DMD: variants seen among roughly 807,000 people sequenced by gnomAD.
The protein encoded by DMD is mutant dystrophin.
DMD carries 63 observed loss-of-function variants against 330.1 expected under a neutral mutation model. That is an observed-to-expected ratio of 0.19 (90% CI 0.16 to 0.24). The LOEUF (loss-of-function observed/expected upper bound fraction) is 0.24, where lower values mean the gene tolerates loss of function less well. DMD is among the 10% of genes least tolerant of loss of function. The pLI is 1.00. For synonymous variants in DMD, 1,223 were observed against 959.8 expected, an observed-to-expected ratio of 1.27 and a Z score of -5.07; for missense variants, 3,344 against 2,684.1, an observed-to-expected ratio of 1.25 and a Z score of -5.43.
intron 26 of DMD, among the ~76,000 whole-genome samples, chrX:32,452,347 GA>G (rs758013069): frequency 1.1e-4 from 1 of 9,083 alleles, no homozygotes; most frequent in African/African-American, 3.2e-4. Flanking sequence ...AAGGGAAAGG[GA>G]AAGGGAAAGG....
At chrX:31,398,287 A>T (rs1304915701) in intron 60 of DMD, among the ~76,000 whole-genome samples, 1 of 112,213 alleles carries the variant, frequency 8.9e-6, no homozygotes, top group African/African-American at 3.2e-5. Flanking sequence ...GGACTGGCTC[A>T]GAGTTGAATA....
At chrX:32,806,837 A>G (rs2076979228) in intron 7 of DMD, among the ~76,000 whole-genome samples, 1 of 110,957 alleles carries the variant, frequency 9.0e-6, no homozygotes. Context: ...CTGCTTCTGA[A>G]TAACTACTGG....
At chrX:32,819,848 T>TTAA (rs1557055242) in intron 5 of DMD, among the ~76,000 whole-genome samples, 4 of 81,017 alleles carry the variant, frequency 4.9e-5, no homozygotes, top group Admixed American at 1.4e-4. Context: ...AATGTTGGTG[T>TTAA]AAAAAAAAAA....
chrX:32,805,357 G>T (rs929422272), intron 7 of DMD, among the ~76,000 whole-genome samples: 5 of 111,607 alleles, frequency 4.5e-5, no homozygotes, highest in Non-Finnish European at 7.5e-5. Flanking sequence ...CAGAAGAAAA[G>T]ATATCAGAGA....
At chrX:31,169,345 G>C in intron 74 of DMD, 98 bp downstream of exon 74, 1 of 602,006 alleles carries the variant, frequency 1.7e-6, no homozygotes, top group Admixed American at 2.8e-5. Context: ...AAAACAATTA[G>C]ACATAAAATG....
chrX:32,557,823 G>A (rs2050481265), intron 16 of DMD, among the ~76,000 whole-genome samples: 1 of 111,143 alleles, frequency 9.0e-6, no homozygotes, highest in Non-Finnish European at 1.9e-5. Flanking sequence ...ATCTTATGAA[G>A]TATAGAGGAC....
chrX:32,336,848 G>T (rs2097718032), intron 41 of DMD, among the ~76,000 whole-genome samples: 2 of 111,876 alleles, frequency 1.8e-5, no homozygotes, highest in Admixed American at 1.9e-4. Flanking sequence ...TTTAAGTATA[G>T]AAAAGAAACC....
intron 1 of DMD, among the ~76,000 whole-genome samples, chrX:33,047,203 T>G (rs2094395134): frequency 8.9e-6 from 1 of 112,281 alleles, no homozygotes; most frequent in Admixed American, 9.4e-5. Flanking sequence ...CAATAGCAGG[T>G]GCTGAAAATC....
chrX:31,321,607 A>AAAAG (rs1556500803), intron 62 of DMD, among the ~76,000 whole-genome samples: 1 of 89,283 alleles, frequency 1.1e-5, no homozygotes, highest in Non-Finnish European at 2.0e-5. Context: ...AAAAAAAAAA[A>AAAAG]AAAGAAAGAA....
Position 32,867,737 on chromosome X carries a change from TG to T in DMD, c.94-17918del, listed in dbSNP as rs766328315. Reference sequence around the variant, plus strand: ...AAAATATCATTATCAGCTTGAAAAGTGGAAACTATCAAATAGTTAACCAACT... The same window carrying T: ...AAAATATCATTATCAGCTTGAAAAGTGAAACTATCAAATAGTTAACCAACT... On this transcript the variant is annotated intron_variant, in intron 2 of 78. Transcript: ENST00000357033. 7.5e-4 allele frequency among the ~76,000 whole-genome samples: 84 copies of T among 111,658 alleles called. 1 individual carries two copies. Among genetic ancestry groups the T allele is most frequent in the Non-Finnish European group, 1.3e-3 (67 of 53,124 alleles).
chrX:31,162,229 T>C (rs770143312), intron 74 of DMD, among the ~76,000 whole-genome samples: 195 of 109,448 alleles, frequency 1.8e-3, no homozygotes, highest in African/African-American at 6.3e-3. Flanking sequence ...ATCTGCAGAA[T>C]TGAACAGAAT....
intron 58 of DMD, 68 bp from the exon 59 acceptor site, chrX:31,478,442 A>T: frequency 8.5e-7 from 1 of 1,181,217 alleles, no homozygotes; most frequent in Non-Finnish European, 1.1e-6. Context: ...AAAAGGTCAT[A>T]CTGGAAGAAA....
chrX:33,015,169 G>A (rs185835653), intron 2 of DMD, among the ~76,000 whole-genome samples: 18 of 109,470 alleles, frequency 1.6e-4, no homozygotes, highest in Non-Finnish European at 3.2e-4. Flanking sequence ...TACTGGGCAT[G>A]TACCCAGAGA....
chrX:32,793,045 T>C (rs2075936924), intron 7 of DMD, among the ~76,000 whole-genome samples: 1 of 111,985 alleles, frequency 8.9e-6, no homozygotes, highest in Admixed American at 9.5e-5. Context: ...GGACAGACCA[T>C]ATGTTATGAC....
chrX:33,046,856 A>C (rs1447208855), intron 1 of DMD, among the ~76,000 whole-genome samples: 1 of 112,278 alleles, frequency 8.9e-6, no homozygotes, highest in Non-Finnish European at 1.9e-5. Context: ...AACATCTACA[A>C]ATTGCTAGAC....
At chrX:31,894,028 T>C (rs1255906053) in intron 47 of DMD, among the ~76,000 whole-genome samples, 2 of 111,584 alleles carry the variant, frequency 1.8e-5, no homozygotes, top group East Asian at 5.7e-4. Context: ...CCTGGATGCC[T>C]GTGAACACAA....
At chrX:33,154,321 C>T (rs1463188121) in intron 1 of DMD, among the ~76,000 whole-genome samples, 1 of 111,264 alleles carries the variant, frequency 9.0e-6, no homozygotes, top group Non-Finnish European at 1.9e-5. Flanking sequence ...TGCTTGAGCC[C>T]AGGAGGCGGA....
At chrX:32,370,278 A>C (rs2097870097) in intron 34 of DMD, among the ~76,000 whole-genome samples, 2 of 107,924 alleles carry the variant, frequency 1.9e-5, no homozygotes, top group African/African-American at 6.7e-5. Context: ...TGCATCACAC[A>C]ATCTAACATG....
intron 44 of DMD, among the ~76,000 whole-genome samples, chrX:32,131,735 G>T (rs780804968): frequency 8.9e-6 from 1 of 112,080 alleles, no homozygotes; most frequent in Admixed American, 9.5e-5. Context: ...TGTTTTACAC[G>T]ACATTCTCCT....
Sources: gnomAD v4.1 joint callset for allele counts (sites outside exome capture counted in the v4.1 genomes callset) on GRCh38, gnomAD v4.1.1 for gene constraint, MANE v1.5 for transcripts, NCBI Gene and HGNC (gene_info 2026-07-23, HGNC 2026-07-21) for gene names.